The following RPH3AL variants were observed in gnomAD, a reference collection of about 807,000 sequenced individuals.
RPH3AL encodes the protein rab effector Noc2.
Under a neutral mutation model 43.1 loss-of-function variants are expected in RPH3AL, and 38 were observed. That is an observed-to-expected ratio of 0.88 (90% CI 0.68 to 1.15). The LOEUF (loss-of-function observed/expected upper bound fraction) is 1.15, where lower values mean the gene tolerates loss of function less well. Ranked by LOEUF, RPH3AL falls within the 50% of genes most tolerant of loss-of-function variation. The pLI, the probability that RPH3AL is intolerant of heterozygous loss-of-function variation, is 0.00. For missense variants in RPH3AL, 462 were observed against 423.2 expected (o/e 1.09, Z -0.81); for synonymous variants, 189 against 176.3 (o/e 1.07, Z -0.57).
At chr17:268,978 A>C (rs952851664) in intron 6 of RPH3AL, among the ~76,000 whole-genome samples, 4 of 152,126 alleles carry the variant, frequency 2.6e-5, no homozygotes, top group African/African-American at 4.8e-5. Flanking sequence ...TCCCGGGTTC[A>C]CGCCATTCTC....
At chr17:298,382 A>G (rs975716407) in intron 5 of RPH3AL, among the ~76,000 whole-genome samples, 1 of 152,044 alleles carries the variant, frequency 6.6e-6, no homozygotes, top group Non-Finnish European at 1.5e-5. Context: ...GTTCGTTCCC[A>G]TGCCTGGGAT....
intron 6 of RPH3AL, among the ~76,000 whole-genome samples, chr17:252,154 T>C (rs1319105947): frequency 6.6e-6 from 1 of 151,940 alleles, no homozygotes; most frequent in Non-Finnish European, 1.5e-5. Context: ...TTTGTATTTT[T>C]TGTAGAGATG....
chr17:271,179 C>T (rs895996035), intron 6 of RPH3AL, among the ~76,000 whole-genome samples: 2 of 152,180 alleles, frequency 1.3e-5, no homozygotes, highest in African/African-American at 4.8e-5. Flanking sequence ...GTTACTATAG[C>T]CTTGTAGTAT....
chr17:299,586 C>T (rs575253247), intron 5 of RPH3AL, among the ~76,000 whole-genome samples: 11 of 152,320 alleles, frequency 7.2e-5, no homozygotes, highest in East Asian at 3.9e-4. Flanking sequence ...AGTTAAGGTC[C>T]GTGAACAGCA....
chr17:280,988 C>A (rs1461229511), intron 6 of RPH3AL, among the ~76,000 whole-genome samples: 9 of 152,184 alleles, frequency 5.9e-5, no homozygotes, highest in Non-Finnish European at 1.0e-4. Context: ...CTCCTCGCCC[C>A]TCACATTCTG....
At chr17:275,547 T>C (rs2151597598) in intron 6 of RPH3AL, among the ~76,000 whole-genome samples, 1 of 152,294 alleles carries the variant, frequency 6.6e-6, no homozygotes, top group African/African-American at 2.4e-5. Flanking sequence ...TTCTTCAAAC[T>C]GCACACAAGT....
At position 289,810 on chromosome 17, in the gene RPH3AL, C is replaced by T. The variant is rs1213293015; in HGVS notation, c.352-7956G>A. ...CGCTGTCTCTTCATTAACCTACACA[C>T]CCCTCGGACCTCAGCAAAAGCACCA... On this transcript the variant is annotated intron_variant, in intron 5 of 9. Coordinates refer to ENST00000331302, the MANE Select transcript of RPH3AL (RefSeq NM_006987.4). The surrounding 1 kb of genome is among the most constrained non-coding windows in gnomAD (Gnocchi z 5.2). Among the ~76,000 whole-genome samples, 1 of 152,206 alleles carries T rather than the reference C, an allele frequency of 6.6e-6. No homozygotes were observed. The highest frequency in any genetic ancestry group is 6.5e-5 in the Admixed American group (1 of 15,284).
chr17:231,026 T>C (rs2041219615), intron 7 of RPH3AL, among the ~76,000 whole-genome samples: 1 of 152,190 alleles, frequency 6.6e-6, no homozygotes, highest in Non-Finnish European at 1.5e-5. Context: ...CCTCTGAATT[T>C]CTTATCTTCA....
chr17:315,568 A>C (rs879595594), intron 5 of RPH3AL, among the ~76,000 whole-genome samples: 1 of 136,228 alleles, frequency 7.3e-6, no homozygotes, highest in Non-Finnish European at 1.5e-5. Flanking sequence ...CCTGTGCCCC[A>C]CCTCCATTGA....
chr17:250,115 A>T (rs1416422764), intron 6 of RPH3AL, among the ~76,000 whole-genome samples: 1 of 119,434 alleles, frequency 8.4e-6, no homozygotes, highest in Admixed American at 8.4e-5. Flanking sequence ...ACTAAGCTCC[A>T]TCGCTGCGGG....
chr17:329,667 T>A (rs1209731843), intron 2 of RPH3AL, among the ~76,000 whole-genome samples: 1 of 152,184 alleles, frequency 6.6e-6, no homozygotes, highest in Non-Finnish European at 1.5e-5. Flanking sequence ...ACAAAGCAAT[T>A]AGACAAATGA....
chr17:258,249 G>A (rs1480284557), intron 6 of RPH3AL, among the ~76,000 whole-genome samples: 1 of 152,140 alleles, frequency 6.6e-6, no homozygotes, highest in Non-Finnish European at 1.5e-5. Flanking sequence ...CAGCCGTCTT[G>A]CTCACCACTG....
rs577433263 is a variant in RPH3AL at position 213,836 on chromosome 17, C to G, written c.*16G>C. The stretch of plus-strand genomic sequence containing the variant: ...GGAATCCTCCACAGGGAAGTCTGTT[C>G]CAGGCACCAGACACCTCAGCCCAGG... On this transcript the variant is annotated 3_prime_UTR_variant, in exon 10 of 10. Transcript: ENST00000331302. 1 of 1,607,280 alleles carries G rather than the reference C, an allele frequency of 6.2e-7. No homozygotes were observed. Among genetic ancestry groups the G allele is most frequent in the East Asian group, 2.2e-5 (1 of 44,844 alleles).
At chr17:310,634 G>C (rs1032737309) in intron 5 of RPH3AL, among the ~76,000 whole-genome samples, 7 of 152,168 alleles carry the variant, frequency 4.6e-5, no homozygotes. Flanking sequence ...CTCACACCGT[G>C]TTAGAGCCCT....
At chr17:284,664 C>T (rs1190547481) in intron 5 of RPH3AL, among the ~76,000 whole-genome samples, 1 of 152,154 alleles carries the variant, frequency 6.6e-6, no homozygotes, top group Non-Finnish European at 1.5e-5. Flanking sequence ...CAGGTGCCCT[C>T]GCAGCCTGGC....
chr17:278,806 G>A (rs752244627), intron 6 of RPH3AL, among the ~76,000 whole-genome samples: 18 of 152,118 alleles, frequency 1.2e-4, no homozygotes, highest in Non-Finnish European at 2.6e-4. Flanking sequence ...ATGAATAAAC[G>A]CATTTGACTG....
chr17:240,093 G>T (rs900100289), intron 7 of RPH3AL, among the ~76,000 whole-genome samples: 5 of 151,450 alleles, frequency 3.3e-5, no homozygotes, highest in African/African-American at 1.2e-4. Flanking sequence ...CAAAATTAGC[G>T]GGGCGTGGTG....
chr17:251,976 CT>C (rs56752848), intron 6 of RPH3AL, among the ~76,000 whole-genome samples: 117,856 of 134,706 alleles, frequency 0.87, 51,546 homozygotes, highest in African/African-American at 0.94. Flanking sequence ...TTTTTTTTTA[CT>C]TTTTTTTTTT....
chr17:247,108 T>C lies in RPH3AL; in HGVS notation c.613+3A>G. The C allele has an allele frequency of 1.9e-6, 3 of 1,614,088 alleles. No homozygotes were observed. The highest frequency in any genetic ancestry group is 2.5e-6 in the Non-Finnish European group (3 of 1,179,990). On this transcript the variant is annotated splice_donor_region_variant and intron_variant, in intron 7 of 9. Coordinates refer to ENST00000331302, the MANE Select transcript of RPH3AL (RefSeq NM_006987.4). ...TCCTGGGAGAGAGGCAGAGGGGACT[T>C]ACCTCTTCCTCGGGCCCACGTGTAG...
Sources: gnomAD v4.1 joint callset for allele counts (sites outside exome capture counted in the v4.1 genomes callset) on GRCh38, gnomAD v4.1.1 for gene constraint, Gnocchi (gnomAD v3.1) non-coding constraint, MANE v1.5 for transcripts, NCBI Gene and HGNC (gene_info 2026-07-23, HGNC 2026-07-21) for gene names.